The following OLFM1 variants were observed in gnomAD, a reference collection of about 807,000 sequenced individuals.
The protein encoded by OLFM1 is noelin.
OLFM1 carries 9 observed loss-of-function variants against 49.7 expected under a neutral mutation model. That is an observed-to-expected ratio of 0.18 (90% CI 0.11 to 0.32). OLFM1 has a LOEUF of 0.32. Among genes scored for constraint, OLFM1 ranks in the 10% least tolerant of loss-of-function variants. OLFM1 has a pLI of 1.00. For missense variants in OLFM1, 369 were observed against 661.8 expected (o/e 0.56, Z 4.85); for synonymous variants, 240 against 271.8 (o/e 0.88, Z 1.15).
At chr9:135,081,142 T>C (rs556954921) in intron 1 of OLFM1, among the ~76,000 whole-genome samples, 22 of 152,140 alleles carry the variant, frequency 1.4e-4, no homozygotes, top group African/African-American at 5.1e-4. Flanking sequence ...TTGTCCCCAT[T>C]CTTGACCTGA....
rs951789377 is a variant in OLFM1, at chr9:135,088,507, C to T, written c.150+368C>T. Reference sequence around the variant, plus strand: ...GAAACTAAGGCTGGGGACTTGGGGACTTGTCCAAGGTCACACTCAGCGAGT... The same window carrying T: ...GAAACTAAGGCTGGGGACTTGGGGATTTGTCCAAGGTCACACTCAGCGAGT... On this transcript the variant is annotated intron_variant, in intron 1 of 5. Transcript: ENST00000371793. The surrounding 1 kb of genome is among the most constrained non-coding windows in gnomAD (Gnocchi z 4.8). Among the ~76,000 whole-genome samples, 1 of 152,092 alleles carries T rather than the reference C, an allele frequency of 6.6e-6. No homozygotes were observed. Among genetic ancestry groups the T allele is most frequent in the African/African-American group, 2.4e-5 (1 of 41,420 alleles).
upstream of OLFM1, among the ~76,000 whole-genome samples, chr9:135,083,857 G>A (rs995178098): frequency 3.3e-5 from 5 of 152,234 alleles, no homozygotes; most frequent in Admixed American, 6.5e-5. Context: ...CTGCTCAGTC[G>A]TGGCCCTTAG....
At chr9:135,090,774 T>C (rs112532289) in intron 2 of OLFM1, among the ~76,000 whole-genome samples, 1 of 152,076 alleles carries the variant, frequency 6.6e-6, no homozygotes, top group Non-Finnish European at 1.5e-5. Flanking sequence ...AGAGCGCCCA[T>C]AGGCCCAGGA....
At chr9:135,094,403 G>A (rs992544840) in intron 2 of OLFM1, among the ~76,000 whole-genome samples, 2 of 152,186 alleles carry the variant, frequency 1.3e-5, no homozygotes, top group African/African-American at 4.8e-5. Context: ...TGGAGGAGGT[G>A]GCATTTGGGC....
rs960853001 is a variant in OLFM1 at position 135,088,759 on chromosome 9, G to C, written c.150+620G>C. ...TCTCCTCCGAGGACGGTGCCGAGGGGCTTGGGTGGGGCCCCTGGGAGCCTG... is the reference window on the plus strand; with the variant it reads ...TCTCCTCCGAGGACGGTGCCGAGGGCCTTGGGTGGGGCCCCTGGGAGCCTG... On this transcript the variant is annotated intron_variant, in intron 1 of 5. Coordinates refer to ENST00000371793, the MANE Select transcript of OLFM1 (RefSeq NM_001282611.2). This position sits in a 1 kb window ranked among gnomAD's most constrained non-coding sequence, Gnocchi z 4.8. Among the ~76,000 whole-genome samples, 7 of 152,164 alleles carry C rather than the reference G, an allele frequency of 4.6e-5. No individual in the cohort carries two copies. The highest frequency in any genetic ancestry group is 4.6e-4 in the Admixed American group (7 of 15,292).
At chr9:135,111,615 G>A (rs1475313977) in intron 5 of OLFM1, among the ~76,000 whole-genome samples, 1 of 152,202 alleles carries the variant, frequency 6.6e-6, no homozygotes, top group Non-Finnish European at 1.5e-5. Context: ...TGGGGTCCCT[G>A]TGGGTGGCGT....
chr9:135,078,153 G>T (rs1375047501), intron 1 of OLFM1, among the ~76,000 whole-genome samples: 1 of 152,226 alleles, frequency 6.6e-6, no homozygotes, highest in African/African-American at 2.4e-5. Context: ...GAGCAATGCT[G>T]CTCATATTTG....
At chr9:135,079,581 G>A (rs899753042) in intron 1 of OLFM1, among the ~76,000 whole-genome samples, 3 of 152,096 alleles carry the variant, frequency 2.0e-5, no homozygotes, top group East Asian at 1.9e-4. Flanking sequence ...CTCCAGCCTG[G>A]GCGACAGAGC....
chr9:135,087,491 C>G, upstream of OLFM1: 1 of 1,473,226 alleles, frequency 6.8e-7, no homozygotes, highest in Non-Finnish European at 9.1e-7. Flanking sequence ...TCATGTCACC[C>G]TGATCCCAAC....
chr9:135,093,029 T>C (rs947125176), intron 2 of OLFM1, among the ~76,000 whole-genome samples: 1 of 152,194 alleles, frequency 6.6e-6, no homozygotes, highest in African/African-American at 2.4e-5. Flanking sequence ...GCCCTGTTGA[T>C]AGGGCTGGGT....
chr9:135,110,637 C>T (rs1223738245), intron 5 of OLFM1, among the ~76,000 whole-genome samples: 1 of 152,182 alleles, frequency 6.6e-6, no homozygotes, highest in East Asian at 1.9e-4. Flanking sequence ...AACATCAACG[C>T]CCCTTCCAGT....
chr9:135,098,221 G>C lies in OLFM1; in HGVS notation c.457-65G>C. ...CTTTCCCTCACCTAGGGAGAAGCCA[G>C]GCCAAGGCAGGGTGTGAGAGTTCTT... is the stretch of plus-strand genomic sequence containing the variant. On this transcript the variant is annotated intron_variant, in intron 3 of 5. Transcript: ENST00000371793. This position sits in a 1 kb window ranked among gnomAD's most constrained non-coding sequence, Gnocchi z 5.6. 1 of 1,578,358 alleles carries C rather than the reference G, an allele frequency of 6.3e-7. No homozygotes were observed. The highest frequency in any genetic ancestry group is 8.7e-7 in the Non-Finnish European group (1 of 1,155,128).
chr9:135,088,193 C>T lies in OLFM1; in HGVS notation c.150+54C>T, dbSNP rs544811327. On this transcript the variant is annotated intron_variant, in intron 1 of 5. Coordinates refer to ENST00000371793, the MANE Select transcript of OLFM1 (RefSeq NM_001282611.2). The surrounding 1 kb of genome is among the most constrained non-coding windows in gnomAD (Gnocchi z 4.8). ...CGGCTCCTCCTCCTCCTCCTCCTCC[C>T]CCTCCTCGGTCCGGAGCCCCGGGCT... The T allele has an allele frequency of 3.6e-5, 45 of 1,245,212 alleles. No individual in the cohort carries two copies. The highest frequency in any genetic ancestry group is 1.2e-4 in the South Asian group (4 of 34,436). The allele number at this position is 1,245,212 out of a possible 1,614,324, so 77.1% of individuals were successfully genotyped here. A position where few individuals can be genotyped will look rare whatever the true frequency, so the allele number is the denominator to read the frequency against.
intron 2 of OLFM1, among the ~76,000 whole-genome samples, chr9:135,093,626 G>A (rs1215227957): frequency 6.6e-6 from 1 of 152,142 alleles, no homozygotes; most frequent in African/African-American, 2.4e-5. Flanking sequence ...TGCCCCGTTG[G>A]GTAGGGTGTG....
At position 135,095,530 on chromosome 9, in the gene OLFM1, A is replaced by AAGAGAGAG. The variant is rs1554753299; in HGVS notation, c.301-326_301-319dup. 3.0e-3 allele frequency among the ~76,000 whole-genome samples: 417 copies of AAGAGAGAG among 137,272 alleles called. 2 individuals carry two copies. Among genetic ancestry groups the AAGAGAGAG allele is most frequent in the East Asian group, 0.012 (57 of 4,792 alleles). The allele number at this position is 137,272 out of a possible 152,430, so 90.1% of individuals were successfully genotyped here. On this transcript the variant is annotated intron_variant, in intron 2 of 5. Transcript: ENST00000371793. ...CCACCACTACCAAAAAAAAAAAAAAAAGAGAGAGAGAGAGATCAAGAGAAA... is the reference window on the plus strand; with the variant it reads ...CCACCACTACCAAAAAAAAAAAAAAAAGAGAGAGAGAGAGAGAGAGAGATCAAGAGAAA...
chr9:135,091,860 C>CAA, intron 2 of OLFM1, among the ~76,000 whole-genome samples: 1 of 139,540 alleles, frequency 7.2e-6, no homozygotes, highest in Non-Finnish European at 1.6e-5. Flanking sequence ...CATAGTCACA[C>CAA]ACACTCACAC....
upstream of OLFM1, chr9:135,086,597 G>A (rs945859462): frequency 4.4e-6 from 2 of 455,988 alleles, no homozygotes; most frequent in African/African-American, 4.0e-5. Context: ...AAATGGCTGG[G>A]AAAGCTTAAT....
chr9:135,079,350 G>C (rs187781447), intron 1 of OLFM1, among the ~76,000 whole-genome samples: 1 of 152,106 alleles, frequency 6.6e-6, no homozygotes, highest in Non-Finnish European at 1.5e-5. Flanking sequence ...GGCTGGGTAC[G>C]GTGGCTCATA....
rs544684126 is a variant in OLFM1, at chr9:135,075,695, C to T, written c.-12C>T. 1.9e-6 allele frequency: 3 copies of T among 1,584,492 alleles called. No individual in the cohort carries two copies. The South Asian group carries it at 3.4e-5, about 18-fold the overall frequency. ...CACGCAGCCGCCGGCCGGCCAGCAC[C>T]CAGGGCCCTGCATGCCAGGTCGTTG... On this transcript the variant is annotated 5_prime_UTR_variant, in exon 1 of 6. Coordinates refer to the OLFM1 transcript ENST00000252854.
Sources: gnomAD v4.1 joint callset for allele counts (sites outside exome capture counted in the v4.1 genomes callset) on GRCh38, gnomAD v4.1.1 for gene constraint, Gnocchi (gnomAD v3.1) non-coding constraint, MANE v1.5 for transcripts, NCBI Gene and HGNC (gene_info 2026-07-23, HGNC 2026-07-21) for gene names.